The following MPPED2 variants were observed in gnomAD, a reference collection of about 807,000 sequenced individuals.
MPPED2 encodes the protein metallophosphoesterase MPPED2.
In MPPED2, 5 loss-of-function variants were observed where a neutral mutation model predicts 33.0. That is an observed-to-expected ratio of 0.15 (90% CI 0.08 to 0.32). MPPED2 has a LOEUF of 0.32. MPPED2 is among the 10% of genes least tolerant of loss of function. The pLI is 1.00. For missense variants in MPPED2, 275 were observed against 372.1 expected, an observed-to-expected ratio of 0.74 and a Z score of 2.15; for synonymous variants, 136 against 141.9, an observed-to-expected ratio of 0.96 and a Z score of 0.29.
intron 4 of MPPED2, among the ~76,000 whole-genome samples, chr11:30,446,675 A>T (rs1949823714): frequency 6.6e-6 from 1 of 152,160 alleles, no homozygotes; most frequent in South Asian, 2.1e-4. Context: ...CAATCTGGTT[A>T]ATGGCTTCCC....
In MPPED2 at chr11:30,457,848, C is replaced by A. The variant is rs538250110; in HGVS notation, c.536+37448G>T. On this transcript the variant is annotated intron_variant, in intron 4 of 6. Transcript: ENST00000358117. ...TGGCCAGCCAAACTCATACGTGAGT[C>A]TCCCCAGAATCTCTGTCCCCAGATA... Among the ~76,000 whole-genome samples, 183 of 152,298 alleles carry A rather than the reference C, an allele frequency of 1.2e-3. 1 individual carries two copies. Among genetic ancestry groups the A allele is most frequent in the Admixed American group, 0.011 (171 of 15,294 alleles).
chr11:30,586,058 T>C lies in MPPED2; in HGVS notation c.-138A>G, dbSNP rs1051811974. 6.6e-6 allele frequency: 1 copy of C among 152,020 alleles called. No homozygotes were observed. The highest frequency in any genetic ancestry group is 1.5e-5 in the Non-Finnish European group (1 of 68,018). The allele number at this position is 152,020 out of a possible 1,614,324, so 9.4% of individuals were successfully genotyped here. A position where few individuals can be genotyped will look rare whatever the true frequency, so the allele number is the denominator to read the frequency against. ...GCGGATTACCTTTCCCGGGCTGCGCTCCGGATCCCGGGGATGCCTTCAGCG... is the reference window on the plus strand; with the variant it reads ...GCGGATTACCTTTCCCGGGCTGCGCCCCGGATCCCGGGGATGCCTTCAGCG... On this transcript the variant is annotated 5_prime_UTR_variant, in exon 1 of 7. Transcript: ENST00000358117. The surrounding 1 kb of genome is among the most constrained non-coding windows in gnomAD (Gnocchi z 4.8).
chr11:30,452,969 C>G (rs1950126619), intron 4 of MPPED2, among the ~76,000 whole-genome samples: 1 of 152,118 alleles, frequency 6.6e-6, no homozygotes, highest in Admixed American at 6.5e-5. Flanking sequence ...CCAGCACATA[C>G]TGCACCTTGC....
At chr11:30,403,118 G>A (rs1222249269) in intron 6 of MPPED2, among the ~76,000 whole-genome samples, 1 of 152,120 alleles carries the variant, frequency 6.6e-6, no homozygotes, top group Admixed American at 6.5e-5. Flanking sequence ...ATGGTGGCGG[G>A]CAGCTGTAGT....
intron 3 of MPPED2, among the ~76,000 whole-genome samples, chr11:30,514,511 AT>A (rs910675574): frequency 4.6e-5 from 7 of 150,640 alleles, no homozygotes; most frequent in African/African-American, 7.3e-5. Flanking sequence ...GTGCCTGGAC[AT>A]TTTTTTTTAA....
intron 4 of MPPED2, among the ~76,000 whole-genome samples, chr11:30,443,456 G>T (rs1949670328): frequency 6.6e-6 from 1 of 152,082 alleles, no homozygotes; most frequent in Non-Finnish European, 1.5e-5. Flanking sequence ...TTGTCTCATT[G>T]TCTTCCTTAT....
intron 2 of MPPED2, among the ~76,000 whole-genome samples, chr11:30,565,276 T>C (rs1956398821): frequency 6.6e-6 from 1 of 151,908 alleles, no homozygotes; most frequent in African/African-American, 2.4e-5. Flanking sequence ...CCTGAGAGAG[T>C]GTTCCGGTTT....
rs1948076623 is a variant in MPPED2 at position 30,410,886 on chromosome 11, C to A, written c.*582G>T. ...ATAGGAATCTCACTAGTTAAACCAT[C>A]CTTTAAATGACAGCCATTTTCTTCT... On this transcript the variant is annotated 3_prime_UTR_variant, in exon 7 of 7. Coordinates refer to ENST00000358117, the MANE Select transcript of MPPED2 (RefSeq NM_001584.3). 1 of 985,470 alleles carries A rather than the reference C, an allele frequency of 1.0e-6. No individual in the cohort carries two copies. The allele number at this position is 985,470 out of a possible 1,614,324, so 61.0% of individuals were successfully genotyped here.
intron 2 of MPPED2, among the ~76,000 whole-genome samples, chr11:30,564,737 G>A (rs1360163164): frequency 6.6e-6 from 1 of 152,138 alleles, no homozygotes; most frequent in Non-Finnish European, 1.5e-5. Flanking sequence ...TCGACTACAT[G>A]TTCTTAATTT....
At chr11:30,552,879 T>C (rs975862544) in intron 2 of MPPED2, among the ~76,000 whole-genome samples, 20 of 152,174 alleles carry the variant, frequency 1.3e-4, no homozygotes, top group African/African-American at 4.3e-4. Flanking sequence ...CTTTTCACGA[T>C]AGGTAAGAAT....
intron 4 of MPPED2, chr11:30,452,210 C>G: frequency 8.9e-6 from 4 of 448,766 alleles, no homozygotes; most frequent in Non-Finnish European, 1.2e-5. Context: ...GCACCCAGCA[C>G]TCTGGCTGCA....
chr11:30,389,886 G>C (rs1947749229), intron 6 of MPPED2, among the ~76,000 whole-genome samples: 1 of 152,114 alleles, frequency 6.6e-6, no homozygotes, highest in African/African-American at 2.4e-5. Context: ...TGGGGCATCA[G>C]AGTACAAGTT....
intron 4 of MPPED2, among the ~76,000 whole-genome samples, chr11:30,453,870 G>A (rs1950168175): frequency 6.6e-6 from 1 of 152,176 alleles, no homozygotes; most frequent in Admixed American, 6.5e-5. Context: ...CCTTGAGGAG[G>A]GGACTGGGAC....
At chr11:30,450,758 A>G (rs1950020166) in intron 4 of MPPED2, among the ~76,000 whole-genome samples, 2 of 152,220 alleles carry the variant, frequency 1.3e-5, no homozygotes, top group African/African-American at 2.4e-5. Context: ...TCCAGTTTGT[A>G]CAGCATTTCC....
downstream of MPPED2, among the ~76,000 whole-genome samples, chr11:30,408,371 A>G (rs1321469878): frequency 6.6e-6 from 1 of 151,472 alleles, no homozygotes; most frequent in East Asian, 1.9e-4. Context: ...GTGCAATGGC[A>G]CTCTCTCGGC....
chr11:30,533,465 C>T lies in MPPED2; in HGVS notation c.310+2529G>A, dbSNP rs116885803. On this transcript the variant is annotated intron_variant, in intron 3 of 6. Transcript: ENST00000358117. ...GTGAGACCCATGCCCCACTGACAGT[C>T]GGATGCCCTATTATGGAAAAAGCCC... 6.4e-3 allele frequency among the ~76,000 whole-genome samples: 981 copies of T among 152,200 alleles called. 6 individuals carry two copies. Among genetic ancestry groups the T allele is most frequent in the Non-Finnish European group, 0.012 (812 of 68,002 alleles).
intron 4 of MPPED2, among the ~76,000 whole-genome samples, chr11:30,463,057 T>C (rs145318829): frequency 8.1e-4 from 124 of 152,320 alleles, no homozygotes; most frequent in African/African-American, 2.8e-3. Context: ...ATTGAATCTG[T>C]CCATTTTTAT....
chr11:30,542,707 T>A lies in MPPED2; in HGVS notation c.129-6532A>T, dbSNP rs183177853. ...TTTAAGGTATGTCTCCTCTAAAGTG[T>A]CTTGCTTATTAATACTAATGATACA... On this transcript the variant is annotated intron_variant, in intron 2 of 6. Coordinates refer to ENST00000358117, the MANE Select transcript of MPPED2 (RefSeq NM_001584.3). 8.4e-3 allele frequency among the ~76,000 whole-genome samples: 1,271 copies of A among 152,184 alleles called. 16 individuals are homozygous for A. Among genetic ancestry groups the A allele is most frequent in the African/African-American group, 0.029 (1,201 of 41,516 alleles).
At chr11:30,468,628 G>A (rs183652095) in intron 4 of MPPED2, among the ~76,000 whole-genome samples, 1 of 152,200 alleles carries the variant, frequency 6.6e-6, no homozygotes, top group East Asian at 1.9e-4. Flanking sequence ...AAGATGCCCA[G>A]GCAAGATATA....
Sources: gnomAD v4.1 joint callset for allele counts (sites outside exome capture counted in the v4.1 genomes callset) on GRCh38, gnomAD v4.1.1 for gene constraint, Gnocchi (gnomAD v3.1) non-coding constraint, MANE v1.5 for transcripts, NCBI Gene and HGNC (gene_info 2026-07-23, HGNC 2026-07-21) for gene names.